Variants in CENPW observed in about 807,000 individuals in gnomAD.
CENPW encodes the protein centromere protein W.
Under a neutral mutation model 11.1 loss-of-function variants are expected in CENPW, and 3 were observed. The observed-to-expected ratio is 0.27, with a 90% CI of 0.12 to 0.70. CENPW has a LOEUF of 0.70. Ranked by LOEUF, CENPW falls within the 30% of genes least tolerant of loss-of-function variation. CENPW has a pLI of 0.77. For missense variants in CENPW, 100 were observed against 105.6 expected, an observed-to-expected ratio of 0.95 and a Z score of 0.23; for synonymous variants, 38 against 42.0, an observed-to-expected ratio of 0.91 and a Z score of 0.37.
the CENPW span, among the ~76,000 whole-genome samples, chr6:126,460,002 G>C: frequency 6.6e-6 from 1 of 150,976 alleles, no homozygotes; most frequent in Non-Finnish European, 1.5e-5. Flanking sequence ...TATTCTTATG[G>C]GTAATTTTGT....
chr6:126,340,330 T>C lies in CENPW; in HGVS notation c.57T>C (p.Arg19=). The C allele has an allele frequency of 6.2e-7, 1 of 1,614,098 alleles. No individual in the cohort carries two copies. The highest frequency in any genetic ancestry group is 8.5e-7 in the Non-Finnish European group (1 of 1,180,014). The change falls in exon 1 of 3, where the codon CGT becomes CGC. Residue 19 remains arginine (R), a synonymous_variant. Transcript: ENST00000368328. ...QRKQIKRKAP[R]GFLKRVFKRK... ...AGCAGATAAAGCGGAAGGCTCCCCG[T>C]GGCTTTCTAAAGCGAGTCTTCAAGC...
the CENPW span, among the ~76,000 whole-genome samples, chr6:126,442,953 A>C: frequency 2.6e-4 from 40 of 151,190 alleles, no homozygotes; most frequent in African/African-American, 8.5e-4. Flanking sequence ...CTAAATTTCT[A>C]TTTGATCACT....
chr6:126,475,942 ACTGT>A, the CENPW span, among the ~76,000 whole-genome samples: 7 of 152,062 alleles, frequency 4.6e-5, no homozygotes, highest in South Asian at 2.1e-4. Flanking sequence ...AGTTGGGGAA[ACTGT>A]CTGTGTCACG....
At chr6:126,441,888 G>A in the CENPW span, among the ~76,000 whole-genome samples, 4 of 151,482 alleles carry the variant, frequency 2.6e-5, no homozygotes, top group African/African-American at 7.3e-5. Flanking sequence ...TATTTTTGCC[G>A]TTGTGAATTG....
At chr6:126,356,778 G>T in the CENPW span, among the ~76,000 whole-genome samples, 11 of 152,028 alleles carry the variant, frequency 7.2e-5, no homozygotes, top group African/African-American at 2.2e-4. Flanking sequence ...TTTTAATGGG[G>T]TTATTTGTTT....
At chr6:126,472,919 G>T in the CENPW span, among the ~76,000 whole-genome samples, 2 of 152,130 alleles carry the variant, frequency 1.3e-5, no homozygotes, top group African/African-American at 4.8e-5. Flanking sequence ...GATGTGTGGA[G>T]AATTTTTATC....
the CENPW span, among the ~76,000 whole-genome samples, chr6:126,362,753 G>A: frequency 1.3e-5 from 2 of 151,842 alleles, no homozygotes; most frequent in Non-Finnish European, 2.9e-5. Flanking sequence ...TTTTTTCTAT[G>A]TCCTGTCTTC....
chr6:126,464,048 T>C, the CENPW span, among the ~76,000 whole-genome samples: 2 of 152,112 alleles, frequency 1.3e-5, no homozygotes, highest in African/African-American at 4.8e-5. Flanking sequence ...AACATATATG[T>C]TATTGTTATC....
the CENPW span, among the ~76,000 whole-genome samples, chr6:126,450,639 C>A: frequency 6.6e-6 from 1 of 150,826 alleles, no homozygotes; most frequent in Non-Finnish European, 1.5e-5. Context: ...AGAAGCAACT[C>A]ATGGAAAGGC....
chr6:126,403,679 T>C, the CENPW span, among the ~76,000 whole-genome samples: 23 of 152,046 alleles, frequency 1.5e-4, no homozygotes, highest in South Asian at 3.7e-3. Flanking sequence ...TAAGTGCTGA[T>C]ATAGAAGCTA....
chr6:126,398,574 T>C, the CENPW span, among the ~76,000 whole-genome samples: 4 of 152,142 alleles, frequency 2.6e-5, no homozygotes, highest in South Asian at 6.2e-4. Flanking sequence ...TCTAATACAA[T>C]GTAAATTCTA....
At chr6:126,430,088 C>A in the CENPW span, among the ~76,000 whole-genome samples, 1 of 152,140 alleles carries the variant, frequency 6.6e-6, no homozygotes, top group African/African-American at 2.4e-5. Flanking sequence ...TCATGGAATG[C>A]CTGGCTTTAG....
the CENPW span, among the ~76,000 whole-genome samples, chr6:126,414,793 TAAAAC>T: frequency 6.7e-6 from 1 of 149,110 alleles, no homozygotes; most frequent in African/African-American, 2.5e-5. Context: ...ATAAATAAAA[TAAAAC>T]TAAAAAAAAA....
the CENPW span, among the ~76,000 whole-genome samples, chr6:126,368,706 G>A: frequency 9.2e-5 from 14 of 151,456 alleles, no homozygotes; most frequent in African/African-American, 1.7e-4. Flanking sequence ...GTGCAGTGGC[G>A]CAATCTCAGC....
the CENPW span, among the ~76,000 whole-genome samples, chr6:126,477,575 G>T: frequency 4.0e-5 from 6 of 151,834 alleles, no homozygotes; most frequent in African/African-American, 1.4e-4. Flanking sequence ...ACAAATAAAG[G>T]AACAGACTCA....
the CENPW span, among the ~76,000 whole-genome samples, chr6:126,404,356 T>G: frequency 6.6e-6 from 1 of 152,140 alleles, no homozygotes; most frequent in Non-Finnish European, 1.5e-5. Context: ...ATTCTTCTAA[T>G]GGATCTGAGC....
chr6:126,435,993 T>G, the CENPW span, among the ~76,000 whole-genome samples: 2 of 151,938 alleles, frequency 1.3e-5, no homozygotes, highest in African/African-American at 4.8e-5. Context: ...TATAAATGAT[T>G]GCATACAGTC....
chr6:126,380,465 G>A, the CENPW span, among the ~76,000 whole-genome samples: 640 of 152,292 alleles, frequency 4.2e-3, 4 homozygotes, highest in Non-Finnish European at 6.8e-3. Flanking sequence ...GCTGTTGTGT[G>A]TAATGTTGTT....
At chr6:126,372,081 C>T in the CENPW span, among the ~76,000 whole-genome samples, 1 of 151,914 alleles carries the variant, frequency 6.6e-6, no homozygotes, top group African/African-American at 2.4e-5. Flanking sequence ...GTTTCAATTT[C>T]ATTTAGTTCT....
Sources: gnomAD v4.1 joint callset for allele counts (sites outside exome capture counted in the v4.1 genomes callset) on GRCh38, gnomAD v4.1.1 for gene constraint, MANE v1.5 for transcripts, NCBI Gene and HGNC (gene_info 2026-07-23, HGNC 2026-07-21) for gene names.